CREB5: variants seen among roughly 807,000 people sequenced by gnomAD.
The protein encoded by CREB5 is cyclic AMP-responsive element-binding protein 5.
A neutral mutation model predicts 57.1 loss-of-function variants in CREB5; 19 were observed. The ratio of observed to expected loss-of-function variants is 0.33; its 90% CI spans 0.23 to 0.49. CREB5 has a LOEUF of 0.49. CREB5 is among the 20% of genes least tolerant of loss of function. CREB5 has a pLI of 0.99. For missense variants in CREB5, 579 were observed against 671.6 expected (o/e 0.86, Z 1.52); for synonymous variants, 238 against 238.3 (o/e 1.00, Z 0.01).
intron 5 of CREB5, among the ~76,000 whole-genome samples, chr7:28,673,417 C>CT (rs1468193592): frequency 6.6e-6 from 1 of 152,200 alleles, no homozygotes; most frequent in Non-Finnish European, 1.5e-5. Flanking sequence ...CCAAACTGCC[C>CT]TGGGACCCTC....
At chr7:28,561,576 A>C (rs1795272709) in intron 4 of CREB5, among the ~76,000 whole-genome samples, 2 of 152,260 alleles carry the variant, frequency 1.3e-5, no homozygotes, top group South Asian at 4.1e-4. Context: ...ACAATTGAGA[A>C]AACTGAAGTA....
At chr7:28,696,056 A>G (rs1801541232) in intron 5 of CREB5, among the ~76,000 whole-genome samples, 1 of 152,174 alleles carries the variant, frequency 6.6e-6, no homozygotes, top group South Asian at 2.1e-4. Context: ...CTGACATCTG[A>G]CAGTGCAGTG....
intron 8 of CREB5, among the ~76,000 whole-genome samples, chr7:28,807,115 C>A (rs568654755): frequency 6.6e-6 from 1 of 152,126 alleles, no homozygotes; most frequent in Non-Finnish European, 1.5e-5. Flanking sequence ...CCTCTATAAT[C>A]GGGAGGAAAA....
At chr7:28,367,166 T>A (rs1786604362) in intron 1 of CREB5, among the ~76,000 whole-genome samples, 1 of 144,808 alleles carries the variant, frequency 6.9e-6, no homozygotes, top group African/African-American at 2.5e-5. Flanking sequence ...AAAATGGGTA[T>A]CATTCCTGGG....
chr7:28,648,990 G>A (rs917854705), intron 5 of CREB5, among the ~76,000 whole-genome samples: 3 of 152,160 alleles, frequency 2.0e-5, no homozygotes, highest in Non-Finnish European at 2.9e-5. Flanking sequence ...TCTGGATGAC[G>A]AGCAACATTA....
intron 5 of CREB5, among the ~76,000 whole-genome samples, chr7:28,580,799 G>A (rs866307286): frequency 1.3e-5 from 2 of 152,212 alleles, no homozygotes; most frequent in South Asian, 2.1e-4. Context: ...AGAACACAAA[G>A]GCCCGACCAA....
At chr7:28,506,817 A>G (rs1792498660) in intron 3 of CREB5, among the ~76,000 whole-genome samples, 1 of 152,212 alleles carries the variant, frequency 6.6e-6, no homozygotes, top group African/African-American at 2.4e-5. Flanking sequence ...GATTCTCAAG[A>G]ATTGTATGAA....
At chr7:28,790,452 GAGAGAGAGATAGAGAGAGAGAGAA>G (rs1302643525) in intron 7 of CREB5, among the ~76,000 whole-genome samples, 20 of 33,966 alleles carry the variant, frequency 5.9e-4, no homozygotes, top group African/African-American at 2.0e-3. Flanking sequence ...GAGAGAGAGA[GAGAGAGAGATAGAGAGAGAGAGAA>G]AGAAAGAAAG....
rs557456135 is a variant in CREB5 at position 28,472,875 on chromosome 7, C to A, written c.4-15300C>A. The stretch of plus-strand genomic sequence containing the variant: ...TGCTTTTTTCTCTTACCTGGGGCCT[C>A]TCTCTTTCTTGTGGACCATGCTGCA... On this transcript the variant is annotated intron_variant, in intron 1 of 10. Coordinates refer to ENST00000357727, the MANE Select transcript of CREB5 (RefSeq NM_182898.4). Among the ~76,000 whole-genome samples the A allele has an allele frequency of 5.9e-5, 9 of 152,300 alleles. No homozygotes were observed. The East Asian group carries it at 1.7e-3, about 29-fold the overall frequency.
chr7:28,542,216 G>C (rs916343979), intron 4 of CREB5, among the ~76,000 whole-genome samples: 1 of 152,178 alleles, frequency 6.6e-6, no homozygotes, highest in Non-Finnish European at 1.5e-5. Flanking sequence ...AGGCACAGAA[G>C]GGCAAAGTAA....
At chr7:28,470,646 C>A (rs1366286156) in intron 1 of CREB5, among the ~76,000 whole-genome samples, 4 of 152,108 alleles carry the variant, frequency 2.6e-5, no homozygotes, top group African/African-American at 9.7e-5. Context: ...TTTTGAGAAG[C>A]CTCCAAATGG....
chr7:28,640,202 ACT>A (rs1798594767), intron 5 of CREB5, among the ~76,000 whole-genome samples: 1 of 152,078 alleles, frequency 6.6e-6, no homozygotes, highest in South Asian at 2.1e-4. Context: ...ACAGAGCGTA[ACT>A]CTCCATCCAG....
intron 1 of CREB5, among the ~76,000 whole-genome samples, chr7:28,335,303 A>G (rs1196196291): frequency 6.6e-6 from 1 of 152,104 alleles, no homozygotes; most frequent in African/African-American, 2.4e-5. Context: ...ACATTTTAAC[A>G]ATATTGGTTC....
intron 5 of CREB5, among the ~76,000 whole-genome samples, chr7:28,612,900 G>T (rs1409603786): frequency 6.6e-6 from 1 of 152,054 alleles, no homozygotes; most frequent in East Asian, 1.9e-4. Flanking sequence ...TTGTTTAATG[G>T]CATTTTTGTA....
At chr7:28,626,689 C>G (rs1413503759) in intron 5 of CREB5, among the ~76,000 whole-genome samples, 1 of 152,182 alleles carries the variant, frequency 6.6e-6, no homozygotes, top group Admixed American at 6.5e-5. Context: ...AGATCGTCCT[C>G]TTTAGCCAGG....
At chr7:28,656,398 T>C (rs1180409112) in intron 5 of CREB5, among the ~76,000 whole-genome samples, 1 of 152,250 alleles carries the variant, frequency 6.6e-6, no homozygotes, top group Non-Finnish European at 1.5e-5. Context: ...GTTTAGCCTG[T>C]TGAGTAATAT....
chr7:28,686,035 A>G (rs1800879472), intron 5 of CREB5: 5 of 1,194,396 alleles, frequency 4.2e-6, no homozygotes, highest in Non-Finnish European at 5.9e-6. Flanking sequence ...TAGGCGCAAA[A>G]GAAGGGCCAG....
At chr7:28,764,253 T>A (rs1160970530) in intron 7 of CREB5, among the ~76,000 whole-genome samples, 1 of 152,124 alleles carries the variant, frequency 6.6e-6, no homozygotes, top group Non-Finnish European at 1.5e-5. Flanking sequence ...TTATTTTTTT[T>A]AAATTTCAAG....
intron 8 of CREB5, among the ~76,000 whole-genome samples, chr7:28,806,231 A>C (rs1808725602): frequency 6.6e-6 from 1 of 152,202 alleles, no homozygotes; most frequent in African/African-American, 2.4e-5. Context: ...TAGTATATGC[A>C]ATTAGTTAAT....
Sources: gnomAD v4.1 joint callset for allele counts (sites outside exome capture counted in the v4.1 genomes callset) on GRCh38, gnomAD v4.1.1 for gene constraint, MANE v1.5 for transcripts, NCBI Gene and HGNC (gene_info 2026-07-23, HGNC 2026-07-21) for gene names.